Variants in NTM observed in about 807,000 individuals in gnomAD.
The protein encoded by NTM is neurotrimin.
NTM carries 13 observed loss-of-function variants against 42.1 expected under a neutral mutation model. That is an observed-to-expected ratio of 0.31 (90% CI 0.20 to 0.49). The LOEUF is 0.49. Among genes scored for constraint, NTM ranks in the 20% least tolerant of loss-of-function variants. The pLI is 0.99. For missense variants in NTM, 373 were observed against 452.8 expected (o/e 0.82, Z 1.60); for synonymous variants, 187 against 179.2 (o/e 1.04, Z -0.35).
At chr11:132,096,603 T>G (rs556633705) in intron 2 of NTM, among the ~76,000 whole-genome samples, 1 of 152,172 alleles carries the variant, frequency 6.6e-6, no homozygotes, top group African/African-American at 2.4e-5. Flanking sequence ...CAAGGCACAA[T>G]TCTGCAGTCT....
chr11:132,130,754 G>A (rs968723573), intron 2 of NTM, among the ~76,000 whole-genome samples: 13 of 152,150 alleles, frequency 8.5e-5, no homozygotes, highest in Middle Eastern at 3.2e-3. Context: ...TGGAGTTGCC[G>A]GCAGCAGACC....
chr11:131,503,973 G>A (rs1215515854), intron 1 of NTM, among the ~76,000 whole-genome samples: 1 of 152,130 alleles, frequency 6.6e-6, no homozygotes, highest in Non-Finnish European at 1.5e-5. Context: ...AGTGCTTTAA[G>A]GCCAGGCGGG....
At chr11:131,642,204 C>A (rs2065228820) in intron 1 of NTM, among the ~76,000 whole-genome samples, 1 of 152,138 alleles carries the variant, frequency 6.6e-6, no homozygotes, top group African/African-American at 2.4e-5. Context: ...CAACATGGAG[C>A]CTCACAGACA....
chr11:131,827,964 G>A (rs979529925), intron 1 of NTM, among the ~76,000 whole-genome samples: 2 of 152,074 alleles, frequency 1.3e-5, no homozygotes, highest in Non-Finnish European at 2.9e-5. Flanking sequence ...CTCAGTGTTG[G>A]ATCCTTACTT....
At chr11:131,791,422 T>C (rs1392806347) in intron 1 of NTM, among the ~76,000 whole-genome samples, 1 of 152,234 alleles carries the variant, frequency 6.6e-6, no homozygotes, top group Non-Finnish European at 1.5e-5. Flanking sequence ...GTGTAAGTAA[T>C]ACATACATCA....
chr11:132,314,754 G>A (rs546535645), intron 7 of NTM, 51 bp downstream of exon 7: 3 of 1,549,832 alleles, frequency 1.9e-6, no homozygotes, highest in Non-Finnish European at 2.6e-6. Context: ...GTGCAGAACG[G>A]GAGAGCTGGG....
rs541596544 is a variant in NTM, at chr11:131,889,898, AC to A, written c.83-21663del. On this transcript the variant is annotated intron_variant, in intron 1 of 8. Coordinates refer to ENST00000683400, the MANE Select transcript of NTM (RefSeq NM_001352005.2). ...ACCAAAGATGGATGTCTCTGCAGGAACCCTCTCCCTCCACCTTCAGAAACTT... is the reference window on the plus strand; with the variant it reads ...ACCAAAGATGGATGTCTCTGCAGGAACCTCTCCCTCCACCTTCAGAAACTT... 1.5e-3 allele frequency among the ~76,000 whole-genome samples: 223 copies of A among 151,354 alleles called. 1 individual carries two copies. Among genetic ancestry groups the A allele is most frequent in the African/African-American group, 5.0e-3 (205 of 41,352 alleles).
intron 1 of NTM, among the ~76,000 whole-genome samples, chr11:131,483,687 C>T (rs1372695358): frequency 4.7e-5 from 7 of 149,506 alleles, no homozygotes; most frequent in Non-Finnish European, 7.4e-5. Context: ...CCAGCAGCAG[C>T]GAAGAAGAGC....
At chr11:131,575,972 C>A (rs1023178583) in intron 1 of NTM, among the ~76,000 whole-genome samples, 2 of 152,160 alleles carry the variant, frequency 1.3e-5, no homozygotes, top group African/African-American at 2.4e-5. Flanking sequence ...CATTTTATTC[C>A]TTGTCTGATG....
intron 2 of NTM, among the ~76,000 whole-genome samples, chr11:131,988,990 A>G (rs1228871420): frequency 2.0e-5 from 3 of 152,214 alleles, no homozygotes; most frequent in African/African-American, 7.2e-5. Context: ...TGATTCTTTG[A>G]ATCCAGCTAT....
intron 1 of NTM, among the ~76,000 whole-genome samples, chr11:131,542,837 T>C (rs1291011126): frequency 1.3e-5 from 2 of 152,166 alleles, no homozygotes; most frequent in South Asian, 2.1e-4. Context: ...TGTCAAGTCT[T>C]TGTCCCACGT....
chr11:131,481,602 T>A (rs775684334), intron 1 of NTM, among the ~76,000 whole-genome samples: 7 of 152,112 alleles, frequency 4.6e-5, no homozygotes, highest in Non-Finnish European at 8.8e-5. Flanking sequence ...TAGAAAGAGC[T>A]GAGGGAGCTG....
chr11:131,809,362 A>C (rs1431762205), intron 1 of NTM, among the ~76,000 whole-genome samples: 1 of 152,152 alleles, frequency 6.6e-6, no homozygotes, highest in East Asian at 1.9e-4. Context: ...CACCTTTTCA[A>C]GTCATAGAGC....
intron 1 of NTM, among the ~76,000 whole-genome samples, chr11:131,676,549 A>G (rs77715785): frequency 0.032 from 4,861 of 152,302 alleles, 262 homozygotes; most frequent in African/African-American, 0.11. Flanking sequence ...GAGGGAGCAC[A>G]TAAGAGACAG....
chr11:131,777,929 T>C lies in NTM; in HGVS notation c.83-133635T>C, dbSNP rs562513639. On this transcript the variant is annotated intron_variant, in intron 1 of 8. Coordinates refer to ENST00000683400, the MANE Select transcript of NTM (RefSeq NM_001352005.2). ...GTTTGACCCAATTATGCTTGCATGG[T>C]GAGGGACAAATATATTGAATTATGA... Among the ~76,000 whole-genome samples, 19 of 152,262 alleles carry C rather than the reference T, an allele frequency of 1.2e-4. No homozygotes were observed. In the South Asian group the frequency reaches 3.7e-3, roughly 30 times the overall value.
chr11:131,867,211 C>T (rs1353603196), intron 1 of NTM, among the ~76,000 whole-genome samples: 2 of 152,252 alleles, frequency 1.3e-5, no homozygotes, highest in Non-Finnish European at 2.9e-5. Flanking sequence ...TGTGGTCCCA[C>T]TTACACATCC....
At chr11:132,275,525 T>A (rs2093671243) in intron 4 of NTM, among the ~76,000 whole-genome samples, 1 of 151,704 alleles carries the variant, frequency 6.6e-6, no homozygotes, top group Non-Finnish European at 1.5e-5. Flanking sequence ...TTTTTTTCAT[T>A]TTTTGCTCAT....
chr11:131,909,387 G>T (rs2054346680), intron 1 of NTM, among the ~76,000 whole-genome samples: 1 of 152,196 alleles, frequency 6.6e-6, no homozygotes, highest in Non-Finnish European at 1.5e-5. Context: ...ATATGACTCA[G>T]TTATAATGGT....
chr11:131,457,724 C>T (rs1393642107), intron 1 of NTM, among the ~76,000 whole-genome samples: 1 of 151,940 alleles, frequency 6.6e-6, no homozygotes, highest in Non-Finnish European at 1.5e-5. Flanking sequence ...TTTGTCCTCC[C>T]CCCCCAAATT....
Sources: allele counts gnomAD v4.1 joint callset (sites outside exome capture counted in the v4.1 genomes callset), GRCh38; gene constraint gnomAD v4.1.1; transcripts MANE v1.5; gene names NCBI Gene and HGNC (gene_info 2026-07-23, HGNC 2026-07-21).